Variants in MPZ observed in about 807,000 individuals in gnomAD.
The protein encoded by MPZ is myelin protein zero, also known as myelin protein P0.
MPZ carries 13 observed loss-of-function variants against 27.9 expected under a neutral mutation model. The ratio of observed to expected loss-of-function variants is 0.47; its 90% confidence interval spans 0.30 to 0.74. MPZ has a LOEUF of 0.74. Among genes scored for constraint, MPZ ranks in the 30% least tolerant of loss-of-function variants. The pLI is 0.06. For synonymous variants in MPZ, 118 were observed against 128.9 expected (o/e 0.92, Z 0.57); for missense variants, 256 against 317.5 (o/e 0.81, Z 1.47).
In MPZ at chr1:161,309,710, A is replaced by T. The variant is rs181904630; in HGVS notation, c.67+129T>A. 2.9e-4 allele frequency: 239 copies of T among 823,902 alleles called. 2 individuals are homozygous for T. The African/African-American group carries it at 3.6e-3, about 12-fold the overall frequency. 51.0% of individuals were successfully genotyped at this position (823,902 alleles called of 1,614,324 possible). On this transcript the variant is annotated intron_variant, in intron 1 of 5. Coordinates refer to ENST00000533357, the MANE Select transcript of MPZ (RefSeq NM_000530.8). ...CCCAGCCGCATATTTTTTCTTTCTG[A>T]ATATAATGTCACCTTCCTGCTCCTG...
intron 1 of MPZ, among the ~76,000 whole-genome samples, chr1:161,308,772 C>G (rs7551761): frequency 0.33 from 50,617 of 151,980 alleles, 9,081 homozygotes; most frequent in African/African-American, 0.44. Context: ...TGTTGAGACA[C>G]AACTCTCCCT....
intron 1 of MPZ, among the ~76,000 whole-genome samples, chr1:161,307,684 G>C (rs909109755): frequency 6.6e-6 from 1 of 152,144 alleles, no homozygotes; most frequent in African/African-American, 2.4e-5. Flanking sequence ...TCCAGAGATT[G>C]GGTTCTGTCT....
chr1:161,307,609 G>A, intron 1 of MPZ, 185 bp from the exon 2 acceptor site: 1 of 624,652 alleles, frequency 1.6e-6, no homozygotes, highest in South Asian at 1.9e-5. Flanking sequence ...TGCTGTGTCT[G>A]TCAAGCTCTT....
Position 161,305,845 on chromosome 1 carries a change from A to AAC in MPZ, c.*30_*31insGT. On this transcript the variant is annotated 3_prime_UTR_variant, in exon 6 of 6. Transcript: ENST00000533357. ...GGGCCTTTGGCGGACTCCACCCCTA[A>AAC]CCCCCGATCCCCCGCCCGGCCCGCT... 2.6e-6 allele frequency: 4 copies of AAC among 1,529,524 alleles called. No homozygotes were observed. Among genetic ancestry groups the AAC allele is most frequent in the Non-Finnish European group, 2.7e-6 (3 of 1,109,072 alleles). The allele number at this position is 1,529,524 out of a possible 1,614,324, so 94.7% of individuals were successfully genotyped here.
In MPZ at chr1:161,306,029, C is replaced by A. The variant is rs770798626; in HGVS notation, c.646-52G>T. Reference sequence around the variant, plus strand: ...ACCGAGCGACTGGGGCTTGACTGTTCCCATCCCACCCCTCACTGCTGCCCG... The same window carrying A: ...ACCGAGCGACTGGGGCTTGACTGTTACCATCCCACCCCTCACTGCTGCCCG... On this transcript the variant is annotated intron_variant, in intron 5 of 5. Transcript: ENST00000533357. 1.9e-6 allele frequency: 3 copies of A among 1,606,738 alleles called. No individual in the cohort carries two copies. In the South Asian group the frequency reaches 3.3e-5, roughly 18 times the overall value.
rs1275433360 is a variant in MPZ, at chr1:161,309,888, G to A, written c.18C>T (p.Pro6=). 3 of 1,588,942 alleles carry A rather than the reference G, an allele frequency of 1.9e-6. No homozygotes were observed. The highest frequency in any genetic ancestry group is 2.6e-6 in the Non-Finnish European group (3 of 1,168,804). MAPGA[P]SSSPSPILAV... The stretch of plus-strand genomic sequence containing the variant: ...CCAGGATAGGGCTGGGGCTGGATGA[G>A]GGAGCCCCAGGAGCCATAGCTGGGG... Residue 6 remains proline, a synonymous_variant, in exon 1 of 6, where the codon CCC becomes CCT. Transcript: ENST00000533357.
chr1:161,306,681 T>C, intron 3 of MPZ, 27 bp downstream of exon 3: 1 of 1,609,940 alleles, frequency 6.2e-7, no homozygotes, highest in Non-Finnish European at 8.5e-7. Flanking sequence ...CTGCTTCCCA[T>C]ACCCTTGTCC....
intron 1 of MPZ, among the ~76,000 whole-genome samples, chr1:161,307,739 A>G (rs1324745413): frequency 6.6e-6 from 1 of 152,192 alleles, no homozygotes; most frequent in Non-Finnish European, 1.5e-5. Flanking sequence ...CTTTTAAGCT[A>G]TCCTTTAGAT....
At chr1:161,306,299 G>C (rs374021579) in intron 4 of MPZ, 30 bp downstream of exon 4, 60 of 1,613,852 alleles carry the variant, frequency 3.7e-5, no homozygotes, top group African/African-American at 5.3e-5. Flanking sequence ...AGTGGGGAGA[G>C]GGGGAGGGGA....
At chr1:161,306,266 T>C in intron 4 of MPZ, 63 bp downstream of exon 4, 1 of 1,611,780 alleles carries the variant, frequency 6.2e-7, no homozygotes, top group Non-Finnish European at 8.5e-7. Flanking sequence ...CCCACTGGAG[T>C]AGTCTCCGCC....
Position 161,305,168 on chromosome 1 carries a change from G to A in MPZ, c.*708C>T, listed in dbSNP as rs1670199660. The A allele has an allele frequency of 6.5e-6, 1 of 152,860 alleles. No individual in the cohort carries two copies. The highest frequency in any genetic ancestry group is 2.4e-5 in the African/African-American group (1 of 41,406). The allele number at this position is 152,860 out of a possible 1,614,324, so 9.5% of individuals were successfully genotyped here. A position where few individuals can be genotyped will look rare whatever the true frequency, so the allele number is the denominator to read the frequency against. On this transcript the variant is annotated 3_prime_UTR_variant, in exon 6 of 6. Coordinates refer to ENST00000533357, the MANE Select transcript of MPZ (RefSeq NM_000530.8). The stretch of plus-strand genomic sequence containing the variant: ...CTCAGTCATGGGTGTAAGGGCAGAG[G>A]ATGAGCACAGGTAAACAAACAAAGA...
chr1:161,309,018 G>A (rs1010183527), intron 1 of MPZ, among the ~76,000 whole-genome samples: 8 of 152,254 alleles, frequency 5.3e-5, no homozygotes, highest in African/African-American at 1.7e-4. Context: ...TAGGATTCAG[G>A]GCAGTTCAGA....
intron 1 of MPZ, among the ~76,000 whole-genome samples, chr1:161,308,716 C>CA (rs1182843637): frequency 6.6e-6 from 1 of 152,158 alleles, no homozygotes; most frequent in Non-Finnish European, 1.5e-5. Flanking sequence ...CAATATCAAC[C>CA]ATTGCCCTTC....
At chr1:161,304,521 G>A (rs7532602), downstream of MPZ, among the ~76,000 whole-genome samples, 32,000 of 152,120 alleles carry the variant, frequency 0.21, 4,400 homozygotes, top group African/African-American at 0.39. Context: ...GCAGAGACTG[G>A]CAGAGTTTAC....
At chr1:161,309,558 T>C (rs1228660516) in intron 1 of MPZ, among the ~76,000 whole-genome samples, 1 of 112,484 alleles carries the variant, frequency 8.9e-6, no homozygotes, top group Non-Finnish European at 1.9e-5. Context: ...ATATATTTTT[T>C]TTTTTTTTGA....
downstream of MPZ, chr1:161,304,629 A>G (rs190956101): frequency 6.5e-6 from 1 of 152,686 alleles, no homozygotes; most frequent in African/African-American, 2.4e-5. Flanking sequence ...AGCCCACCCC[A>G]AAAAAACAAA....
At chr1:161,309,552 A>ATATATTTT in intron 1 of MPZ, among the ~76,000 whole-genome samples, 8 of 80,660 alleles carry the variant, frequency 9.9e-5, no homozygotes, top group African/African-American at 3.5e-4. Flanking sequence ...ATATATATAT[A>ATATATTTT]TTTTTTTTTT....
intron 1 of MPZ, among the ~76,000 whole-genome samples, chr1:161,309,552 A>ATATATATTTTTTTTTTTTTTT: frequency 2.7e-4 from 22 of 80,620 alleles, no homozygotes; most frequent in African/African-American, 1.2e-3. Context: ...ATATATATAT[A>ATATATATTTTTTTTTTTTTTT]TTTTTTTTTT....
At position 161,305,720 on chromosome 1, in the gene MPZ, G is replaced by A; in HGVS notation, c.*156C>T. The A allele has an allele frequency of 1.6e-6, 1 of 615,950 alleles. No individual in the cohort carries two copies. Among genetic ancestry groups the A allele is most frequent in the Non-Finnish European group, 2.9e-6 (1 of 347,948 alleles). 38.2% of individuals were successfully genotyped at this position (615,950 alleles called of 1,614,324 possible). A position where few individuals can be genotyped will look rare whatever the true frequency, so the allele number is the denominator to read the frequency against. Reference sequence around the variant, plus strand: ...AGTTCAGGCCCATCATGTTCTTGAGGGCGTTTTTGAGGCTGGTTCTGCTGG... The same window carrying A: ...AGTTCAGGCCCATCATGTTCTTGAGAGCGTTTTTGAGGCTGGTTCTGCTGG... On this transcript the variant is annotated 3_prime_UTR_variant, in exon 6 of 6. Coordinates refer to ENST00000533357, the MANE Select transcript of MPZ (RefSeq NM_000530.8).
Sources: allele counts gnomAD v4.1 joint callset (sites outside exome capture counted in the v4.1 genomes callset), GRCh38; gene constraint gnomAD v4.1.1; transcripts MANE v1.5; gene names NCBI Gene and HGNC (gene_info 2026-07-23, HGNC 2026-07-21).